Variants in SUGCT observed in about 807,000 individuals in gnomAD.
The protein encoded by SUGCT is succinyl-CoA:glutarate CoA-transferase.
SUGCT carries 41 observed loss-of-function variants against 55.0 expected under a neutral mutation model. The observed-to-expected ratio is 0.74, with a 90% CI of 0.58 to 0.97. SUGCT has a LOEUF of 0.97. Ranked by LOEUF, SUGCT falls within the 50% of genes least tolerant of loss-of-function variation. SUGCT has a pLI of 0.00. For missense variants in SUGCT, 568 were observed against 547.8 expected (o/e 1.04, Z -0.37); for synonymous variants, 187 against 200.4 (o/e 0.93, Z 0.56).
chr7:40,245,423 ATTTTTTTTT>A (rs1168316176), intron 7 of SUGCT, among the ~76,000 whole-genome samples: 6 of 54,590 alleles, frequency 1.1e-4, no homozygotes, highest in African/African-American at 2.7e-4. Context: ...ATATATATAT[ATTTTTTTTT>A]TTTTTTTTTT....
intron 9 of SUGCT, among the ~76,000 whole-genome samples, chr7:40,359,538 G>C (rs1177206439): frequency 3.3e-5 from 5 of 152,100 alleles, no homozygotes; most frequent in African/African-American, 1.2e-4. Context: ...GACTGGACCT[G>C]ACGTGGCAAT....
chr7:40,835,235 CCTTA>C (rs1461728411), intron 13 of SUGCT, among the ~76,000 whole-genome samples: 2 of 152,208 alleles, frequency 1.3e-5, no homozygotes, highest in East Asian at 3.9e-4. Context: ...TTCCATTTCA[CCTTA>C]CTGACAGCTT....
intron 9 of SUGCT, among the ~76,000 whole-genome samples, chr7:40,373,372 TG>T (rs1784392700): frequency 6.8e-6 from 1 of 146,598 alleles, no homozygotes; most frequent in East Asian, 2.0e-4. Flanking sequence ...TTAGAATCTA[TG>T]ATTAATATAT....
chr7:40,502,393 T>G (rs1792333316), intron 12 of SUGCT, among the ~76,000 whole-genome samples: 1 of 152,072 alleles, frequency 6.6e-6, no homozygotes, highest in Non-Finnish European at 1.5e-5. Context: ...CAGCTAATTT[T>G]TGAAAGCAGT....
At chr7:40,907,136 TGTGTGA>T in the SUGCT span, among the ~76,000 whole-genome samples, 6,806 of 89,598 alleles carry the variant, frequency 0.076, 293 homozygotes, top group Admixed American at 0.2. Context: ...TGTGTGTGTG[TGTGTGA>T]GAGAGAGAGA....
chr7:40,760,980 G>A (rs540408217), intron 13 of SUGCT, among the ~76,000 whole-genome samples: 2 of 152,192 alleles, frequency 1.3e-5, no homozygotes, highest in Non-Finnish European at 2.9e-5. Context: ...AAGTAGTCTT[G>A]GGGAAAAATA....
intron 8 of SUGCT, among the ~76,000 whole-genome samples, chr7:40,296,655 A>C (rs1375342828): frequency 1.1e-5 from 1 of 89,880 alleles, no homozygotes; most frequent in South Asian, 4.2e-4. Context: ...GTGTGTGTGT[A>C]ATTAATTTTA....
At chr7:40,973,630 G>A in the SUGCT span, among the ~76,000 whole-genome samples, 11 of 152,328 alleles carry the variant, frequency 7.2e-5, no homozygotes, top group South Asian at 1.5e-3. Flanking sequence ...TGGTGCATGC[G>A]TCCTGGCAGT....
At chr7:40,507,579 G>A (rs1055310817) in intron 12 of SUGCT, among the ~76,000 whole-genome samples, 1 of 152,144 alleles carries the variant, frequency 6.6e-6, no homozygotes, top group Non-Finnish European at 1.5e-5. Context: ...AGAGGACCCA[G>A]CCTTTAGATA....
At chr7:40,279,573 A>G (rs1037717505) in intron 8 of SUGCT, among the ~76,000 whole-genome samples, 58 of 152,342 alleles carry the variant, frequency 3.8e-4, no homozygotes, top group African/African-American at 1.3e-3. Flanking sequence ...TGATGACAAC[A>G]TTAATTTTAT....
intron 1 of SUGCT, among the ~76,000 whole-genome samples, chr7:40,146,702 C>T (rs1028895946): frequency 5.3e-5 from 8 of 152,304 alleles, no homozygotes; most frequent in Admixed American, 1.3e-4. Context: ...GCCCTCATTC[C>T]GGTAAACCTT....
intron 12 of SUGCT, among the ~76,000 whole-genome samples, chr7:40,658,107 A>G (rs1044445805): frequency 2.0e-5 from 3 of 152,238 alleles, no homozygotes; most frequent in African/African-American, 7.2e-5. Flanking sequence ...AGTGAAACAC[A>G]TTATTCCTTT....
At chr7:40,375,099 A>G (rs549245378) in intron 9 of SUGCT, among the ~76,000 whole-genome samples, 1 of 152,290 alleles carries the variant, frequency 6.6e-6, no homozygotes, top group African/African-American at 2.4e-5. Context: ...AACCATTAGT[A>G]CAGACAGCGT....
intron 6 of SUGCT, among the ~76,000 whole-genome samples, chr7:40,201,579 C>T (rs1041720312): frequency 2.0e-5 from 3 of 152,084 alleles, no homozygotes; most frequent in South Asian, 2.1e-4. Context: ...TGTGGTTTGA[C>T]ATATTTACCA....
chr7:40,666,351 A>G (rs868097699), intron 12 of SUGCT, among the ~76,000 whole-genome samples: 1 of 105,150 alleles, frequency 9.5e-6, no homozygotes, highest in Non-Finnish European at 1.9e-5. Context: ...CTGTCTCAAG[A>G]AAGAAAGGAA....
chr7:40,883,567 A>T, the SUGCT span, among the ~76,000 whole-genome samples: 2 of 152,194 alleles, frequency 1.3e-5, no homozygotes, highest in Non-Finnish European at 2.9e-5. Context: ...TATCTCACAG[A>T]ATTGTCAGGA....
chr7:40,700,128 G>A (rs1403219704), intron 12 of SUGCT, among the ~76,000 whole-genome samples: 1 of 152,184 alleles, frequency 6.6e-6, no homozygotes, highest in Non-Finnish European at 1.5e-5. Context: ...TGTGGGTGGA[G>A]AATTCTAAAT....
chr7:40,892,493 C>T, the SUGCT span, among the ~76,000 whole-genome samples: 1 of 152,126 alleles, frequency 6.6e-6, no homozygotes, highest in Non-Finnish European at 1.5e-5. Flanking sequence ...AAAATGTCAA[C>T]ATTAAGTTCT....
chr7:40,494,941 G>T (rs1419199225), intron 11 of SUGCT, among the ~76,000 whole-genome samples: 1 of 151,484 alleles, frequency 6.6e-6, no homozygotes, highest in Non-Finnish European at 1.5e-5. Context: ...ATGGAGTTTT[G>T]CTCTTGTTGT....
Sources: allele counts gnomAD v4.1 joint callset (sites outside exome capture counted in the v4.1 genomes callset), GRCh38; gene constraint gnomAD v4.1.1; transcripts MANE v1.5; gene names NCBI Gene and HGNC (gene_info 2026-07-23, HGNC 2026-07-21).